Variants in TRPM3 observed in about 807,000 individuals in gnomAD.
TRPM3 encodes the protein transient receptor potential cation channel subfamily M member 3.
A neutral mutation model predicts 181.2 loss-of-function variants in TRPM3; 77 were observed. That is an observed-to-expected ratio of 0.42 (90% confidence interval 0.35 to 0.51). The LOEUF (loss-of-function observed/expected upper bound fraction) is 0.51. Among genes scored for constraint, TRPM3 ranks in the 20% least tolerant of loss-of-function variants. The probability of loss-of-function intolerance (pLI) is 0.01; values close to 1 mark genes in which losing one functional copy is unlikely to be tolerated. For synonymous variants in TRPM3, 745 were observed against 796.4 expected, an observed-to-expected ratio of 0.94 and a Z score of 1.09; for missense variants, 1,759 against 2,196.7, an observed-to-expected ratio of 0.80 and a Z score of 3.98.
chr9:71,141,472 C>T (rs578144633), intron 1 of TRPM3, among the ~76,000 whole-genome samples: 2 of 152,294 alleles, frequency 1.3e-5, no homozygotes, highest in Non-Finnish European at 2.9e-5. Flanking sequence ...TGATTTCATT[C>T]TTTTACTGAT....
intron 8 of TRPM3, among the ~76,000 whole-genome samples, chr9:70,683,563 A>T (rs541813206): frequency 6.7e-6 from 1 of 148,566 alleles, no homozygotes; most frequent in East Asian, 2.0e-4. Flanking sequence ...TATGGCCCTG[A>T]TCTAAAAAAC....
At chr9:71,287,424 C>T (rs912726465) in intron 1 of TRPM3, among the ~76,000 whole-genome samples, 1 of 151,822 alleles carries the variant, frequency 6.6e-6, no homozygotes, top group African/African-American at 2.4e-5. Context: ...GAGGCTGTCC[C>T]ACAAATTCCA....
At chr9:70,666,595 T>G (rs763219294) in intron 9 of TRPM3, among the ~76,000 whole-genome samples, 1 of 152,350 alleles carries the variant, frequency 6.6e-6, no homozygotes, top group Admixed American at 6.5e-5. Flanking sequence ...TTCTGCATTG[T>G]TGTTTGGAAG....
chr9:71,375,348 C>T (rs566160298), intron 1 of TRPM3, among the ~76,000 whole-genome samples: 18 of 152,138 alleles, frequency 1.2e-4, no homozygotes, highest in Non-Finnish European at 2.4e-4. Flanking sequence ...TGGACCCCTT[C>T]CTTACACCAT....
intron 21 of TRPM3, among the ~76,000 whole-genome samples, chr9:70,594,307 T>C (rs1011044793): frequency 1.6e-4 from 25 of 152,010 alleles, no homozygotes; most frequent in African/African-American, 6.0e-4. Context: ...ATTATTAGAG[T>C]TGGAAGGAGG....
At chr9:70,855,226 A>T (rs1374374066) in intron 3 of TRPM3, among the ~76,000 whole-genome samples, 2 of 152,202 alleles carry the variant, frequency 1.3e-5, no homozygotes, top group Non-Finnish European at 2.9e-5. Flanking sequence ...TTTCCCCTTC[A>T]TCAAACCCAC....
intron 1 of TRPM3, among the ~76,000 whole-genome samples, chr9:70,915,065 A>G (rs2096577036): frequency 6.6e-6 from 1 of 152,220 alleles, no homozygotes; most frequent in African/African-American, 2.4e-5. Flanking sequence ...ATCCACAAAT[A>G]TCAAGGCCAT....
At chr9:71,292,707 T>A (rs769470046) in intron 1 of TRPM3, among the ~76,000 whole-genome samples, 14 of 151,980 alleles carry the variant, frequency 9.2e-5, no homozygotes, top group Non-Finnish European at 2.1e-4. Flanking sequence ...CAGCAAGTTC[T>A]ATGAACCTTC....
intron 1 of TRPM3, among the ~76,000 whole-genome samples, chr9:71,003,688 G>T (rs2097642426): frequency 6.6e-6 from 1 of 152,104 alleles, no homozygotes; most frequent in Admixed American, 6.5e-5. Flanking sequence ...TATGAATAAA[G>T]TTCGGTATCG....
chr9:71,155,481 TTTTTA>T (rs10688191), intron 1 of TRPM3, among the ~76,000 whole-genome samples: 6,583 of 128,852 alleles, frequency 0.051, 341 homozygotes, highest in African/African-American at 0.13. Context: ...ACCATGCTTA[TTTTTA>T]TTTTATTTTA....
At chr9:71,125,149 T>G (rs1754683147), upstream of TRPM3, among the ~76,000 whole-genome samples, 1 of 152,232 alleles carries the variant, frequency 6.6e-6, no homozygotes. Context: ...CTTGCTTGCT[T>G]AATGATTGGC....
rs1016184557 is a variant in TRPM3 at position 70,539,835 on chromosome 9, ATTTC to A, written c.3708-2434_3708-2431del. Reference sequence around the variant, plus strand: ...TTTTACAATGCAATCTGTTATATTTATTTCTTTATTTATGTTTGAGACAAGATTT... The same window carrying A: ...TTTTACAATGCAATCTGTTATATTTATTTATTTATGTTTGAGACAAGATTT... On this transcript the variant is annotated intron_variant, in intron 25 of 25. Transcript: ENST00000677713. Among the ~76,000 whole-genome samples the A allele has an allele frequency of 1.6e-4, 24 of 152,170 alleles. 1 individual carries two copies. Among genetic ancestry groups the A allele is most frequent in the African/African-American group, 5.8e-4 (24 of 41,528 alleles).
chr9:70,612,250 A>G (rs565910585), intron 18 of TRPM3, among the ~76,000 whole-genome samples: 1 of 152,390 alleles, frequency 6.6e-6, no homozygotes, highest in South Asian at 2.1e-4. Flanking sequence ...ATTCTTCAGT[A>G]CTGTTCTAAC....
intron 9 of TRPM3, among the ~76,000 whole-genome samples, chr9:70,664,641 G>GTTTTTTTTTTTTTTTTTTTTTTTT (rs71367210): frequency 2.0e-5 from 2 of 100,220 alleles, no homozygotes; most frequent in African/African-American, 3.6e-5. Flanking sequence ...TAGGAGAGTA[G>GTTTTTTTTTTTTTTTTTTTTTTTT]TTTTTTTTTT....
chr9:70,604,982 A>C (rs2060766466), intron 19 of TRPM3, among the ~76,000 whole-genome samples: 1 of 7,742 alleles, frequency 1.3e-4, no homozygotes, highest in South Asian at 3.0e-3. Context: ...TTGGAGACTG[A>C]GTCTCACTCT....
At chr9:71,102,357 A>T (rs1341582430) in intron 1 of TRPM3, among the ~76,000 whole-genome samples, 1 of 152,216 alleles carries the variant, frequency 6.6e-6, no homozygotes, top group African/African-American at 2.4e-5. Context: ...ATTTCTGCAG[A>T]TATTTGTTGA....
chr9:70,576,887 A>C (rs531436303), intron 22 of TRPM3, among the ~76,000 whole-genome samples: 2 of 152,122 alleles, frequency 1.3e-5, no homozygotes, highest in East Asian at 3.9e-4. Flanking sequence ...GACCATTCCT[A>C]CCACATGGCT....
intron 1 of TRPM3, among the ~76,000 whole-genome samples, chr9:70,949,731 G>C (rs771983792): frequency 3.6e-4 from 54 of 151,968 alleles, no homozygotes; most frequent in Non-Finnish European, 6.6e-4. Flanking sequence ...GCAATAAATG[G>C]GAAGTCAATG....
intron 6 of TRPM3, chr9:70,793,486 A>G (rs1234226051): frequency 6.3e-6 from 1 of 159,780 alleles, no homozygotes; most frequent in African/African-American, 2.5e-5. Flanking sequence ...ATATATATAT[A>G]TATATAAAAC....
Sources: allele counts gnomAD v4.1 joint callset (sites outside exome capture counted in the v4.1 genomes callset), GRCh38; gene constraint gnomAD v4.1.1; transcripts MANE v1.5; gene names NCBI Gene and HGNC (gene_info 2026-07-23, HGNC 2026-07-21).